MME: variants seen among roughly 807,000 people sequenced by gnomAD.
The protein encoded by MME is membrane metalloendopeptidase.
MME carries 98 observed loss-of-function variants against 113.2 expected under a neutral mutation model. That is an observed-to-expected ratio of 0.87 (90% CI 0.74 to 1.02). MME has a LOEUF of 1.02. Ranked by LOEUF, MME falls within the 50% of genes least tolerant of loss-of-function variation. MME has a pLI of 0.00. For synonymous variants in MME, 292 were observed against 300.6 expected (o/e 0.97, Z 0.30); for missense variants, 836 against 896.0 (o/e 0.93, Z 0.86).
At chr3:155,071,878 T>C (rs1390861524) in intron 1 of MME, among the ~76,000 whole-genome samples, 1 of 152,168 alleles carries the variant, frequency 6.6e-6, no homozygotes, top group Non-Finnish European at 1.5e-5. Flanking sequence ...AGAATCACTG[T>C]CGGCCGGGCG....
intron 1 of MME, among the ~76,000 whole-genome samples, chr3:155,048,549 A>G (rs1031213229): frequency 2.0e-5 from 3 of 152,138 alleles, no homozygotes; most frequent in Non-Finnish European, 4.4e-5. Context: ...TTATTAATTC[A>G]TTTCATCAGA....
intron 1 of MME, among the ~76,000 whole-genome samples, chr3:155,051,754 C>T (rs1306001201): frequency 2.0e-5 from 3 of 152,034 alleles, no homozygotes; most frequent in South Asian, 2.1e-4. Context: ...CATATCATTC[C>T]GTCTCTGACC....
At chr3:155,086,960 A>T (rs922020683) in intron 3 of MME, among the ~76,000 whole-genome samples, 15 of 150,514 alleles carry the variant, frequency 1.0e-4, no homozygotes, top group African/African-American at 3.7e-4. Context: ...ACCTGCCACC[A>T]TTCCTGGCTA....
intron 1 of MME, among the ~76,000 whole-genome samples, chr3:155,070,325 G>A (rs535911434): frequency 3.9e-5 from 6 of 152,284 alleles, no homozygotes; most frequent in South Asian, 2.1e-4. Context: ...GGAGCAGTTC[G>A]TTTCTTTAGG....
chr3:155,081,661 C>A (rs1715161726), intron 1 of MME: 1 of 148,172 alleles, frequency 6.7e-6, no homozygotes, highest in South Asian at 2.1e-4. Flanking sequence ...CCCCCTTACT[C>A]TTCTCTATGG....
chr3:155,118,265 C>G (rs945019630), intron 7 of MME, among the ~76,000 whole-genome samples: 6 of 152,146 alleles, frequency 3.9e-5, no homozygotes, highest in Non-Finnish European at 5.9e-5. Context: ...CCCCTTCTCC[C>G]CATCCATCCA....
At chr3:155,149,811 C>A (rs929280156) in intron 16 of MME, among the ~76,000 whole-genome samples, 1 of 152,202 alleles carries the variant, frequency 6.6e-6, no homozygotes, top group Non-Finnish European at 1.5e-5. Flanking sequence ...TCTTGCAACA[C>A]TGACGTGTCC....
upstream of MME, chr3:155,079,593 T>C (rs1714926032): frequency 7.6e-6 from 1 of 130,818 alleles, no homozygotes; most frequent in Non-Finnish European, 1.6e-5. Context: ...GAACTGCTCC[T>C]CTCTCTGGTC....
intron 1 of MME, among the ~76,000 whole-genome samples, chr3:155,073,565 G>A (rs1030340195): frequency 6.6e-6 from 1 of 152,034 alleles, no homozygotes; most frequent in African/African-American, 2.4e-5. Context: ...GTATCAATTT[G>A]TACAATCTGC....
chr3:155,138,008 A>G, intron 8 of MME, 94 bp from the exon 9 acceptor site: 1 of 1,405,222 alleles, frequency 7.1e-7, no homozygotes, highest in East Asian at 2.3e-5. Context: ...GTTATCTATT[A>G]CCAAAAATTA....
intron 2 of MME, among the ~76,000 whole-genome samples, chr3:155,084,716 T>A (rs1022272035): frequency 1.3e-5 from 2 of 152,128 alleles, no homozygotes; most frequent in Non-Finnish European, 2.9e-5. Flanking sequence ...GTCTTGGAAG[T>A]TTTTTACAAC....
intron 16 of MME, among the ~76,000 whole-genome samples, chr3:155,159,431 C>T (rs1425084108): frequency 6.6e-6 from 1 of 151,988 alleles, no homozygotes; most frequent in East Asian, 1.9e-4. Context: ...TGAAGTCAAG[C>T]AGTATCCATT....
intron 22 of MME, among the ~76,000 whole-genome samples, chr3:155,178,806 T>A (rs908295805): frequency 6.6e-6 from 1 of 152,244 alleles, no homozygotes. Flanking sequence ...ATATTTGTTA[T>A]ACTGTATTCT....
At chr3:155,043,113 A>G (rs552550242) in intron 1 of MME, among the ~76,000 whole-genome samples, 61 of 149,312 alleles carry the variant, frequency 4.1e-4, no homozygotes, top group African/African-American at 1.4e-3. Context: ...CTGTTTCTTT[A>G]TGGCTTTGGT....
chr3:155,117,713 T>G (rs535238322), intron 7 of MME, among the ~76,000 whole-genome samples: 1 of 152,030 alleles, frequency 6.6e-6, no homozygotes, highest in Non-Finnish European at 1.5e-5. Context: ...TCGTTTTTGT[T>G]AAAATCATGA....
chr3:155,041,478 G>A (rs900931167), intron 1 of MME, among the ~76,000 whole-genome samples: 2 of 152,042 alleles, frequency 1.3e-5, no homozygotes, highest in African/African-American at 2.4e-5. Context: ...ATTAAAGCTG[G>A]TTTACATCTT....
chr3:155,128,269 G>A (rs1293689482), intron 8 of MME, among the ~76,000 whole-genome samples: 1 of 152,060 alleles, frequency 6.6e-6, no homozygotes, highest in African/African-American at 2.4e-5. Flanking sequence ...GAATTCCAAT[G>A]TTACCCTTAT....
At chr3:155,138,758 C>T (rs1270901676) in intron 9 of MME, among the ~76,000 whole-genome samples, 1 of 152,088 alleles carries the variant, frequency 6.6e-6, no homozygotes, top group Non-Finnish European at 1.5e-5. Context: ...TGCAACAAAG[C>T]CCAAGGAGTG....
intron 16 of MME, chr3:155,158,999 C>T (rs1001492132): frequency 6.6e-6 from 1 of 151,892 alleles, no homozygotes; most frequent in African/African-American, 2.4e-5. Flanking sequence ...GAAAAATTAA[C>T]AGAAATGTTA....
Sources: allele counts gnomAD v4.1 joint callset (sites outside exome capture counted in the v4.1 genomes callset), GRCh38; gene constraint gnomAD v4.1.1; transcripts MANE v1.5; gene names NCBI Gene and HGNC (gene_info 2026-07-23, HGNC 2026-07-21).